MCF2L2: variants seen among roughly 807,000 people sequenced by gnomAD.
The protein encoded by MCF2L2 is probable guanine nucleotide exchange factor MCF2L2.
Under a neutral mutation model 150.2 loss-of-function variants are expected in MCF2L2, and 102 were observed. The observed-to-expected ratio is 0.68, with a 90% CI of 0.58 to 0.80. The LOEUF (loss-of-function observed/expected upper bound fraction) is 0.80, where lower values mean the gene tolerates loss of function less well. Among genes scored for constraint, MCF2L2 ranks in the 30% least tolerant of loss-of-function variants. The pLI is 0.00. For missense variants in MCF2L2, 1,256 were observed against 1,372.8 expected (o/e 0.91, Z 1.34); for synonymous variants, 465 against 491.3 (o/e 0.95, Z 0.71).
At position 183,212,064 on chromosome 3, in the gene MCF2L2, C is replaced by A. The variant is rs371294166; in HGVS notation, c.2496+3905G>T. 2.0e-5 allele frequency among the ~76,000 whole-genome samples: 3 copies of A among 152,064 alleles called. No individual in the cohort carries two copies. In the East Asian group the frequency reaches 5.8e-4, roughly 29 times the overall value. On this transcript the variant is annotated intron_variant, in intron 22 of 29. Coordinates refer to ENST00000328913, the MANE Select transcript of MCF2L2 (RefSeq NM_015078.4). ...ATGGAGACGCACGCTGAGGGAACAG[C>A]CATGCAAAGGCAGAGGCAGAAATTG...
At chr3:183,375,715 T>C (rs1181331142) in intron 3 of MCF2L2, 1 of 152,198 alleles carries the variant, frequency 6.6e-6, no homozygotes, top group Non-Finnish European at 1.5e-5. Flanking sequence ...CAACCCCAAG[T>C]ATCCTGCCAT....
At chr3:183,400,049 G>A (rs1463233709) in intron 1 of MCF2L2, among the ~76,000 whole-genome samples, 1 of 152,146 alleles carries the variant, frequency 6.6e-6, no homozygotes, top group Non-Finnish European at 1.5e-5. Context: ...GCAGACATAT[G>A]TAGGCTTTCA....
In MCF2L2 at chr3:183,349,664, T is replaced by A. The variant is rs1408648479; in HGVS notation, c.276-8034A>T. Among the ~76,000 whole-genome samples, 8 of 152,198 alleles carry A rather than the reference T, an allele frequency of 5.3e-5. No homozygotes were observed. The East Asian group carries it at 1.5e-3, about 29-fold the overall frequency. On this transcript the variant is annotated intron_variant, in intron 3 of 29. Coordinates refer to ENST00000328913, the MANE Select transcript of MCF2L2 (RefSeq NM_015078.4). ...GTCTCACTTAACCTAACGAAACAGATGTTATCTCCTTTTAACAGCAGAAGA... is the reference window on the plus strand; with the variant it reads ...GTCTCACTTAACCTAACGAAACAGAAGTTATCTCCTTTTAACAGCAGAAGA...
chr3:183,196,928 C>T (rs1345541576), intron 25 of MCF2L2, among the ~76,000 whole-genome samples: 2 of 152,126 alleles, frequency 1.3e-5, no homozygotes, highest in African/African-American at 2.4e-5. Flanking sequence ...GAATTGTCAA[C>T]TGAATAAGTG....
intron 14 of MCF2L2, chr3:183,287,529 A>G (rs1358049553): frequency 6.6e-6 from 1 of 152,164 alleles, no homozygotes; most frequent in Non-Finnish European, 1.5e-5. Context: ...TTTTAATATT[A>G]CTCAATGATT....
chr3:183,266,568 T>C (rs996502551), intron 15 of MCF2L2, among the ~76,000 whole-genome samples: 1 of 152,210 alleles, frequency 6.6e-6, no homozygotes, highest in Non-Finnish European at 1.5e-5. Flanking sequence ...AGGATGGTTG[T>C]TATCTGGATG....
At chr3:183,419,311 G>T (rs1175971752) in intron 1 of MCF2L2, among the ~76,000 whole-genome samples, 1 of 152,204 alleles carries the variant, frequency 6.6e-6, no homozygotes, top group African/African-American at 2.4e-5. Context: ...GTGATGGGAG[G>T]GGCTGCCATG....
intron 1 of MCF2L2, among the ~76,000 whole-genome samples, chr3:183,401,175 C>A (rs557760185): frequency 6.6e-6 from 1 of 152,162 alleles, no homozygotes; most frequent in African/African-American, 2.4e-5. Context: ...TTCAAACTGC[C>A]GTGCAGAGAG....
intron 14 of MCF2L2, among the ~76,000 whole-genome samples, chr3:183,278,585 C>T (rs1400221194): frequency 6.6e-6 from 1 of 152,182 alleles, no homozygotes; most frequent in Admixed American, 6.5e-5. Context: ...GGACTTTGAA[C>T]TCAGTCTTAC....
chr3:183,355,570 C>T (rs1711718224), intron 3 of MCF2L2, among the ~76,000 whole-genome samples: 1 of 150,114 alleles, frequency 6.7e-6, no homozygotes, highest in Non-Finnish European at 1.5e-5. Flanking sequence ...CCTCAGCCTC[C>T]CGAGTAGCTG....
Position 183,311,686 on chromosome 3 carries a change from G to C in MCF2L2, c.840C>G (p.Leu280=). 6.2e-7 allele frequency: 1 copy of C among 1,614,126 alleles called. No homozygotes were observed. Among genetic ancestry groups the C allele is most frequent in the Non-Finnish European group, 8.5e-7 (1 of 1,180,002 alleles). Residue 280 remains leucine (L), a synonymous_variant, in exon 8 of 30, where the codon CTC becomes CTG. Transcript: ENST00000328913. The part of the protein sequence containing the change: ...EPATKCPNSK[L]NLNQLENVTT... ...TTACATTCTCAAGTTGGTTGAGATTGAGTTTGCTGTTGGGACATTTGGTTG... is the reference window on the plus strand; with the variant it reads ...TTACATTCTCAAGTTGGTTGAGATTCAGTTTGCTGTTGGGACATTTGGTTG...
intron 5 of MCF2L2, 132 bp downstream of exon 5, chr3:183,338,668 G>C (rs574558805): frequency 1.2e-6 from 1 of 812,114 alleles, no homozygotes; most frequent in Non-Finnish European, 1.8e-6. Flanking sequence ...TCACACATGC[G>C]GTTCCCTCAG....
At position 183,300,191 on chromosome 3, in the gene MCF2L2, G is replaced by A; in HGVS notation, c.1119C>T (p.Pro373=). 1 of 1,601,110 alleles carries A rather than the reference G, an allele frequency of 6.2e-7. No homozygotes were observed. Residue 373 remains proline, a synonymous_variant, in exon 11 of 30, where the codon CCC becomes CCT. Coordinates refer to ENST00000328913, the MANE Select transcript of MCF2L2 (RefSeq NM_015078.4). ...GTGCCAGCAGCTGGGCCTTTTCCAG[G>A]GGCTCCTGCAAAGTGAACACCCACA... ...HKKLEEKSQE[P]LEKAQLLALV...
chr3:183,305,795 G>A lies in MCF2L2; in HGVS notation c.1113+3921C>T, dbSNP rs1253506162. The stretch of plus-strand genomic sequence containing the variant: ...ACCCAGGAGGCGGAGGTTGCAGTGA[G>A]CTGAGATTGTGCCACTGCACTCCAG... On this transcript the variant is annotated intron_variant, in intron 10 of 29. Transcript: ENST00000328913. The surrounding 1 kb of genome is among the most constrained non-coding windows in gnomAD (Gnocchi z 4.1). 1.3e-5 allele frequency among the ~76,000 whole-genome samples: 2 copies of A among 152,184 alleles called. No homozygotes were observed. The highest frequency in any genetic ancestry group is 4.8e-5 in the African/African-American group (2 of 41,436).
At chr3:183,220,723 G>C (rs1171562358) in intron 20 of MCF2L2, among the ~76,000 whole-genome samples, 2 of 152,166 alleles carry the variant, frequency 1.3e-5, no homozygotes, top group Non-Finnish European at 2.9e-5. Flanking sequence ...TGAATGAAAA[G>C]AGAAATCCTA....
Position 183,205,772 on chromosome 3 carries a change from T to G in MCF2L2, c.2884+104A>C, listed in dbSNP as rs1576920397. The G allele has an allele frequency of 3.6e-6, 3 of 836,524 alleles. No individual in the cohort carries two copies. In the East Asian group the frequency reaches 8.0e-5, roughly 22 times the overall value. 51.8% of individuals were successfully genotyped at this position (836,524 alleles called of 1,614,324 possible). On this transcript the variant is annotated intron_variant, in intron 25 of 29. Transcript: ENST00000328913. Reference sequence around the variant, plus strand: ...CTGTGAAAATGTGGCCACAGTTGTTTTCCCAGCAAACCATTTTCTTTCACA... The same window carrying G: ...CTGTGAAAATGTGGCCACAGTTGTTGTCCCAGCAAACCATTTTCTTTCACA...
intron 18 of MCF2L2, chr3:183,226,421 G>A (rs1402627852): frequency 6.6e-6 from 1 of 151,810 alleles, no homozygotes. Context: ...CCAGCCTGGT[G>A]ACAGAGCGAG....
At chr3:183,336,036 A>G (rs1263147882) in intron 5 of MCF2L2, among the ~76,000 whole-genome samples, 2 of 152,216 alleles carry the variant, frequency 1.3e-5, no homozygotes, top group South Asian at 4.1e-4. Context: ...ACTTGGTGGC[A>G]CCTTGATTGT....
intron 1 of MCF2L2, among the ~76,000 whole-genome samples, chr3:183,426,061 G>A (rs1297062411): frequency 6.6e-6 from 1 of 152,152 alleles, no homozygotes; most frequent in Non-Finnish European, 1.5e-5. Flanking sequence ...ATTAGATTAA[G>A]TATGAGGAGA....
Sources: allele counts gnomAD v4.1 joint callset (sites outside exome capture counted in the v4.1 genomes callset), GRCh38; gene constraint gnomAD v4.1.1; non-coding constraint Gnocchi (gnomAD v3.1); transcripts MANE v1.5; gene names NCBI Gene and HGNC (gene_info 2026-07-23, HGNC 2026-07-21).